Variants in RUSC2 observed in about 807,000 individuals in gnomAD.
RUSC2 encodes AP-4 complex accessory subunit RUSC2.
Under a neutral mutation model 122.2 loss-of-function variants are expected in RUSC2, and 34 were observed. That is an observed-to-expected ratio of 0.28 (90% CI 0.21 to 0.37). The LOEUF (loss-of-function observed/expected upper bound fraction) is 0.37, where lower values mean the gene tolerates loss of function less well. Among genes scored for constraint, RUSC2 ranks in the 10% least tolerant of loss-of-function variants. The pLI, the probability that RUSC2 is intolerant of heterozygous loss-of-function variation, is 1.00. For synonymous variants in RUSC2, 784 were observed against 790.0 expected (o/e 0.99, Z 0.13); for missense variants, 1,747 against 1,952.4 (o/e 0.89, Z 1.98).
chr9:35,559,294 G>A (rs760740547), intron 9 of RUSC2, 22 bp downstream of exon 9: 57 of 1,599,482 alleles, frequency 3.6e-5, no homozygotes, highest in Non-Finnish European at 4.6e-5. Flanking sequence ...AACCCTGCAG[G>A]TCAAACTCAA....
intron 1 of RUSC2, among the ~76,000 whole-genome samples, chr9:35,532,668 C>G (rs1821443452): frequency 6.6e-6 from 1 of 151,678 alleles, no homozygotes; most frequent in Admixed American, 6.6e-5. Flanking sequence ...ATCACTTTAA[C>G]CTGGGAGGTG....
chr9:35,500,966 A>C (rs1225693122), intron 1 of RUSC2, among the ~76,000 whole-genome samples: 1 of 152,238 alleles, frequency 6.6e-6, no homozygotes, highest in Non-Finnish European at 1.5e-5. Context: ...GTCCTTTCTA[A>C]CAACCAAGTG....
In RUSC2 at chr9:35,555,767, TTGAG is replaced by T; in HGVS notation, c.2656+69_2656+72del. ...CGCAAGCACTTCCACCACCTCCCCT[TTGAG>T]TGGTTGCTTACACTCTCACCTGGGG... On this transcript the variant is annotated intron_variant, in intron 3 of 11. Transcript: ENST00000361226. The surrounding 1 kb of genome is among the most constrained non-coding windows in gnomAD (Gnocchi z 4.6). 3 of 1,520,338 alleles carry T rather than the reference TTGAG, an allele frequency of 2.0e-6. No individual in the cohort carries two copies. Among genetic ancestry groups the T allele is most frequent in the Admixed American group, 2.2e-5 (1 of 46,480 alleles). 94.2% of individuals were successfully genotyped at this position (1,520,338 alleles called of 1,614,324 possible).
At chr9:35,559,627 C>T (rs1365672463) in intron 9 of RUSC2, among the ~76,000 whole-genome samples, 1 of 152,202 alleles carries the variant, frequency 6.6e-6, no homozygotes, top group East Asian at 1.9e-4. Flanking sequence ...CCCAGCTACT[C>T]GGGAGGCTGA....
intron 1 of RUSC2, among the ~76,000 whole-genome samples, chr9:35,510,364 A>G (rs1273889335): frequency 1.3e-5 from 2 of 152,224 alleles, no homozygotes; most frequent in Non-Finnish European, 2.9e-5. Flanking sequence ...AAATTTTTAA[A>G]GAGAAAACAG....
chr9:35,556,050 C>G lies in RUSC2; in HGVS notation c.2755C>G (p.Gln919Glu). 6.2e-7 allele frequency: 1 copy of G among 1,614,216 alleles called. No individual in the cohort carries two copies. Among genetic ancestry groups the G allele is most frequent in the Non-Finnish European group, 8.5e-7 (1 of 1,180,046 alleles). The change falls in exon 4 of 12, where the codon CAA becomes GAA. Residue 919 changes from glutamine (Q) to glutamate (E), a missense_variant. Gln to Glu is a conservative substitution (Grantham distance 29). Transcript: ENST00000361226. ...GTCAGGGAGCCTAGACCGAAGATCA[C>G]AAGAAGCTCGGCTGGCCCGAAGAAA... ...GLSGSLDRRSQEARLARRNPI... is the reference protein window; with the variant it reads ...GLSGSLDRRSEEARLARRNPI...
intron 1 of RUSC2, among the ~76,000 whole-genome samples, chr9:35,541,674 T>C (rs887149493): frequency 1.3e-5 from 2 of 151,958 alleles, no homozygotes; most frequent in Non-Finnish European, 2.9e-5. Flanking sequence ...CTCAATCTCT[T>C]GACCTCATGA....
chr9:35,549,041 AAAAT>A (rs1009456644), intron 2 of RUSC2: 4 of 982,080 alleles, frequency 4.1e-6, no homozygotes, highest in Admixed American at 6.1e-5. Flanking sequence ...TCAAAAAAAA[AAAAT>A]AAATAAATAC....
intron 1 of RUSC2, among the ~76,000 whole-genome samples, chr9:35,490,441 C>A (rs1820542709): frequency 2.0e-5 from 3 of 152,128 alleles, no homozygotes; most frequent in Non-Finnish European, 4.4e-5. Flanking sequence ...ACCCACCGTC[C>A]CTTTGGGCGC....
rs1434654625 is a variant in RUSC2 at position 35,557,378 on chromosome 9, T to TTGTTATGGATTTTGGAGGTAGAGGGAAG, written c.2984-534_2984-507dup. Among the ~76,000 whole-genome samples the TTGTTATGGATTTTGGAGGTAGAGGGAAG allele has an allele frequency of 1.4e-4, 22 of 151,746 alleles. No individual in the cohort carries two copies. Among genetic ancestry groups the TTGTTATGGATTTTGGAGGTAGAGGGAAG allele is most frequent in the African/African-American group, 5.1e-4 (21 of 41,348 alleles). On this transcript the variant is annotated intron_variant, in intron 5 of 11. Transcript: ENST00000361226. The surrounding 1 kb of genome is among the most constrained non-coding windows in gnomAD (Gnocchi z 4.6). ...GGGAGTGAGGGGTGTACATATGAGA[T>TTGTTATGGATTTTGGAGGTAGAGGGAAG]TGTTATGGATTTTGGAGGTAGAGGG...
chr9:35,515,999 C>CAAAAAAAAAAAAAAAAAAA (rs544797957), intron 1 of RUSC2, among the ~76,000 whole-genome samples: 72 of 47,188 alleles, frequency 1.5e-3, no homozygotes, highest in Non-Finnish European at 1.9e-3. Context: ...ATTCTTGTCT[C>CAAAAAAAAAAAAAAAAAAA]AAAAAAAAAA....
At chr9:35,534,741 C>T (rs534761476) in intron 1 of RUSC2, among the ~76,000 whole-genome samples, 6 of 152,182 alleles carry the variant, frequency 3.9e-5, no homozygotes, top group Non-Finnish European at 8.8e-5. Flanking sequence ...CCTTGGCCTC[C>T]CAAAGCTCTG....
intron 1 of RUSC2, among the ~76,000 whole-genome samples, chr9:35,515,222 A>G (rs1821081364): frequency 6.6e-6 from 1 of 152,208 alleles, no homozygotes. Context: ...AACATTAAAA[A>G]TCCCGTTTTC....
intron 1 of RUSC2, among the ~76,000 whole-genome samples, chr9:35,537,048 G>C (rs1821543822): frequency 6.6e-6 from 1 of 152,114 alleles, no homozygotes; most frequent in Admixed American, 6.6e-5. Context: ...TTTGTGTTTT[G>C]TTTCTGGCTG....
Position 35,558,435 on chromosome 9 carries a change from T to C in RUSC2, c.3236-27T>C, listed in dbSNP as rs749680020. 2 of 1,614,004 alleles carry C rather than the reference T, an allele frequency of 1.2e-6. No individual in the cohort carries two copies. The highest frequency in any genetic ancestry group is 2.2e-5 in the South Asian group (2 of 91,078). ...TTTAGGGCTCCAGAAATTGGTCATG[T>C]GACCTGCAACCCTGGCTTCCTCCCA... is the stretch of plus-strand genomic sequence containing the variant. On this transcript the variant is annotated intron_variant, in intron 7 of 11. Coordinates refer to ENST00000361226, the MANE Select transcript of RUSC2 (RefSeq NM_014806.5). This position sits in a 1 kb window ranked among gnomAD's most constrained non-coding sequence, Gnocchi z 4.3.
chr9:35,525,756 A>C (rs2132523615), intron 1 of RUSC2, among the ~76,000 whole-genome samples: 1 of 152,170 alleles, frequency 6.6e-6, no homozygotes, highest in Admixed American at 6.5e-5. Flanking sequence ...CCGAGATCGC[A>C]CCACTGCACT....
chr9:35,508,837 AAAAC>A (rs1820962868), intron 1 of RUSC2, among the ~76,000 whole-genome samples: 1 of 152,188 alleles, frequency 6.6e-6, no homozygotes, highest in South Asian at 2.1e-4. Flanking sequence ...AGTGGGGACA[AAAAC>A]AAAAGGAAAA....
chr9:35,539,987 A>G (rs1239520276), intron 1 of RUSC2, among the ~76,000 whole-genome samples: 2 of 152,202 alleles, frequency 1.3e-5, no homozygotes, highest in African/African-American at 4.8e-5. Context: ...AAGGGGTTCT[A>G]TGACTGGCAG....
chr9:35,509,887 G>A (rs1433886770), intron 1 of RUSC2, among the ~76,000 whole-genome samples: 1 of 152,174 alleles, frequency 6.6e-6, no homozygotes, highest in African/African-American at 2.4e-5. Flanking sequence ...ATGAAACAGA[G>A]GCTGAGGGGA....
Sources: allele counts gnomAD v4.1 joint callset (sites outside exome capture counted in the v4.1 genomes callset), GRCh38; gene constraint gnomAD v4.1.1; non-coding constraint Gnocchi (gnomAD v3.1); transcripts MANE v1.5; gene names NCBI Gene and HGNC (gene_info 2026-07-23, HGNC 2026-07-21).